Variants in ANXA2 observed in about 807,000 individuals in gnomAD.
ANXA2 encodes the protein annexin II.
ANXA2 carries 28 observed loss-of-function variants against 47.3 expected under a neutral mutation model. The ratio of observed to expected loss-of-function variants is 0.59; its 90% CI spans 0.44 to 0.81. The LOEUF is 0.81. Among genes scored for constraint, ANXA2 ranks in the 40% least tolerant of loss-of-function variants. The pLI is 0.00. For missense variants in ANXA2, 384 were observed against 414.3 expected (o/e 0.93, Z 0.64); for synonymous variants, 172 against 155.5 (o/e 1.11, Z -0.79).
chr15:60,364,075 C>T (rs947127727), intron 4 of ANXA2, among the ~76,000 whole-genome samples: 4 of 152,212 alleles, frequency 2.6e-5, no homozygotes, highest in African/African-American at 9.7e-5. Flanking sequence ...CAGGAGCTCC[C>T]AAGCACTCTA....
intron 7 of ANXA2, chr15:60,355,461 T>A (rs1032552232): frequency 3.9e-6 from 1 of 254,580 alleles, no homozygotes; most frequent in Non-Finnish European, 7.7e-6. Context: ...CCTTCCTCCA[T>A]GTTAATGTGT....
At chr15:60,384,831 C>T (rs558998071) in intron 2 of ANXA2, 64 of 152,328 alleles carry the variant, frequency 4.2e-4, no homozygotes, top group African/African-American at 1.5e-3. Context: ...ACTGTCAACC[C>T]TCTGTTGAGT....
intron 3 of ANXA2, among the ~76,000 whole-genome samples, chr15:60,378,956 CTCTG>C: frequency 6.6e-6 from 1 of 150,922 alleles, no homozygotes; most frequent in African/African-American, 2.4e-5. Context: ...CACAGCAAGA[CTCTG>C]TCTTACAATA....
At chr15:60,366,304 C>G (rs2062600768) in intron 3 of ANXA2, among the ~76,000 whole-genome samples, 1 of 151,002 alleles carries the variant, frequency 6.6e-6, no homozygotes, top group Non-Finnish European at 1.5e-5. Context: ...TGCCTGGCCG[C>G]CCATCGTCTG....
intron 3 of ANXA2, among the ~76,000 whole-genome samples, chr15:60,372,792 CA>C (rs1398664541): frequency 6.6e-6 from 1 of 151,190 alleles, no homozygotes; most frequent in Non-Finnish European, 1.5e-5. Context: ...CTCCTGGGCC[CA>C]AATGATCCTC....
chr15:60,368,423 G>A (rs1038875651), intron 3 of ANXA2, among the ~76,000 whole-genome samples: 17 of 152,004 alleles, frequency 1.1e-4, no homozygotes, highest in Admixed American at 6.5e-4. Context: ...GAAAAGTAAA[G>A]TAGAAAAAAC....
At chr15:60,389,397 C>T (rs2062977638) in intron 1 of ANXA2, among the ~76,000 whole-genome samples, 1 of 152,186 alleles carries the variant, frequency 6.6e-6, no homozygotes, top group African/African-American at 2.4e-5. Flanking sequence ...TTGTGTTGTT[C>T]TTTCAAGTTG....
At chr15:60,371,853 T>C (rs765726993) in intron 3 of ANXA2, among the ~76,000 whole-genome samples, 6 of 152,228 alleles carry the variant, frequency 3.9e-5, no homozygotes, top group Non-Finnish European at 7.3e-5. Context: ...TCATTTATTA[T>C]AATAATAGTA....
intron 1 of ANXA2, chr15:60,391,017 C>T (rs140542985): frequency 6.6e-5 from 10 of 152,482 alleles, no homozygotes; most frequent in African/African-American, 2.2e-4. Flanking sequence ...ATCAACGAAC[C>T]CATACCAAGC....
At chr15:60,389,097 G>A (rs569118187) in intron 1 of ANXA2, among the ~76,000 whole-genome samples, 19 of 152,238 alleles carry the variant, frequency 1.2e-4, no homozygotes, top group African/African-American at 4.6e-4. Context: ...CCCAAGCCCT[G>A]GCCTTAACTA....
chr15:60,355,241 C>T (rs375386602), intron 7 of ANXA2, among the ~76,000 whole-genome samples: 1 of 152,012 alleles, frequency 6.6e-6, no homozygotes, highest in South Asian at 2.1e-4. Context: ...CACAGAGATC[C>T]GTGGATGGTG....
chr15:60,381,999 C>T (rs980612856), intron 3 of ANXA2, among the ~76,000 whole-genome samples: 6 of 86,554 alleles, frequency 6.9e-5, no homozygotes, highest in East Asian at 4.2e-4. Context: ...AGAGAAGAAA[C>T]GGGGGGTGGG....
intron 1 of ANXA2, among the ~76,000 whole-genome samples, chr15:60,388,374 C>A (rs2062961146): frequency 6.6e-6 from 1 of 152,170 alleles, no homozygotes; most frequent in Middle Eastern, 3.4e-3. Flanking sequence ...TAAAATTTCT[C>A]ATTTATAATT....
chr15:60,395,030 C>T (rs919253302), intron 1 of ANXA2, among the ~76,000 whole-genome samples: 11 of 152,104 alleles, frequency 7.2e-5, no homozygotes, highest in Non-Finnish European at 1.3e-4. Context: ...ATTTAATTCT[C>T]ACAATTGAAT....
intron 3 of ANXA2, among the ~76,000 whole-genome samples, chr15:60,365,046 G>T (rs942769047): frequency 6.7e-6 from 1 of 149,120 alleles, no homozygotes; most frequent in Non-Finnish European, 1.5e-5. Context: ...GATTTAACAC[G>T]GCAGTTGTAT....
intron 3 of ANXA2, among the ~76,000 whole-genome samples, chr15:60,372,151 A>AAATAAT (rs572562926): frequency 1.3e-5 from 2 of 151,936 alleles, no homozygotes; most frequent in East Asian, 1.9e-4. Flanking sequence ...CTCTATCTCA[A>AAATAAT]AATAATAATA....
intron 1 of ANXA2, 165 bp downstream of exon 1, chr15:60,397,777 TC>T: frequency 1.3e-6 from 1 of 759,082 alleles, no homozygotes; most frequent in South Asian, 4.1e-5. Flanking sequence ...CTGAGCCCCC[TC>T]CCCAAAGACT....
chr15:60,351,456 G>A (rs1896009985), intron 10 of ANXA2: 1 of 631,284 alleles, frequency 1.6e-6, no homozygotes, highest in South Asian at 2.0e-5. Flanking sequence ...GGTCTCTGAG[G>A]CCTGCAGAAC....
chr15:60,350,915 T>G (rs981202545), intron 11 of ANXA2, among the ~76,000 whole-genome samples: 1 of 152,222 alleles, frequency 6.6e-6, no homozygotes, highest in African/African-American at 2.4e-5. Flanking sequence ...CGGAGAAACC[T>G]AAGCAGGGAT....
Sources: allele counts gnomAD v4.1 joint callset (sites outside exome capture counted in the v4.1 genomes callset), GRCh38; gene constraint gnomAD v4.1.1; transcripts MANE v1.5; gene names NCBI Gene and HGNC (gene_info 2026-07-23, HGNC 2026-07-21).